Variants in NRXN1 observed in about 807,000 individuals in gnomAD.
NRXN1 encodes the protein neurexin-1.
NRXN1 carries 39 observed loss-of-function variants against 150.9 expected under a neutral mutation model. The ratio of observed to expected loss-of-function variants is 0.26; its 90% CI spans 0.20 to 0.34. NRXN1 has a LOEUF of 0.34. Ranked by LOEUF, NRXN1 falls within the 10% of genes least tolerant of loss-of-function variation. NRXN1 has a pLI of 1.00. For synonymous variants in NRXN1, 924 were observed against 757.0 expected, an observed-to-expected ratio of 1.22 and a Z score of -3.62; for missense variants, 1,815 against 1,949.9, an observed-to-expected ratio of 0.93 and a Z score of 1.30.
intron 5 of NRXN1, among the ~76,000 whole-genome samples, chr2:50,753,730 A>G (rs925759917): frequency 6.6e-6 from 1 of 151,878 alleles, no homozygotes; most frequent in Non-Finnish European, 1.5e-5. Context: ...TTTAGGAAAT[A>G]TTCTGAGTGA....
At chr2:50,398,376 G>T (rs1371368014) in intron 17 of NRXN1, among the ~76,000 whole-genome samples, 1 of 151,974 alleles carries the variant, frequency 6.6e-6, no homozygotes. Context: ...TAACTAAAAA[G>T]GGTATACTAT....
chr2:50,143,315 C>T (rs912086889), intron 18 of NRXN1, among the ~76,000 whole-genome samples: 3 of 151,700 alleles, frequency 2.0e-5, no homozygotes, highest in East Asian at 3.9e-4. Context: ...GGGTACAGCT[C>T]GAAAACTAAT....
At chr2:50,469,358 G>A (rs1185311960) in intron 16 of NRXN1, among the ~76,000 whole-genome samples, 1 of 151,692 alleles carries the variant, frequency 6.6e-6, no homozygotes, top group Non-Finnish European at 1.5e-5. Context: ...AAGGCAACAA[G>A]TGATTATTTA....
chr2:50,024,904 C>A (rs1374673691), intron 21 of NRXN1, among the ~76,000 whole-genome samples: 1 of 152,122 alleles, frequency 6.6e-6, no homozygotes, highest in Non-Finnish European at 1.5e-5. Context: ...GCGTGAGCTA[C>A]TGTGCCCAGA....
chr2:50,942,303 G>A (rs567333169), intron 2 of NRXN1, among the ~76,000 whole-genome samples: 1 of 152,192 alleles, frequency 6.6e-6, no homozygotes, highest in Non-Finnish European at 1.5e-5. Context: ...GCAATGCAGA[G>A]AGGAAATATG....
intron 5 of NRXN1, among the ~76,000 whole-genome samples, chr2:50,899,636 G>A (rs1452712610): frequency 6.6e-6 from 1 of 152,026 alleles, no homozygotes; most frequent in Non-Finnish European, 1.5e-5. Context: ...GAGTTAATTT[G>A]TTTTTTTCTA....
chr2:50,490,316 G>C (rs1169689883), intron 15 of NRXN1, among the ~76,000 whole-genome samples: 1 of 152,106 alleles, frequency 6.6e-6, no homozygotes, highest in Non-Finnish European at 1.5e-5. Flanking sequence ...ATGGCGTTCA[G>C]GGCCCTTCAA....
At chr2:50,168,722 C>A (rs2059835706) in intron 18 of NRXN1, among the ~76,000 whole-genome samples, 2 of 152,102 alleles carry the variant, frequency 1.3e-5, no homozygotes, top group Admixed American at 1.3e-4. Flanking sequence ...CCCTCTGGAC[C>A]AGGTGGTTGA....
chr2:50,783,921 C>T (rs1704710836), intron 5 of NRXN1, among the ~76,000 whole-genome samples: 1 of 152,058 alleles, frequency 6.6e-6, no homozygotes, highest in African/African-American at 2.4e-5. Flanking sequence ...TATACTTTGC[C>T]TAGCCTCATA....
rs377761857 is a variant in NRXN1 at position 49,923,572 on chromosome 2, C to T, written c.4217-1321G>A. Among the ~76,000 whole-genome samples the T allele has an allele frequency of 2.7e-4, 41 of 152,182 alleles. No homozygotes were observed. In the East Asian group the frequency reaches 4.3e-3, roughly 16 times the overall value. On this transcript the variant is annotated intron_variant, in intron 22 of 22. Coordinates refer to ENST00000401669, the MANE Select transcript of NRXN1 (RefSeq NM_001330078.2). Reference sequence around the variant, plus strand: ...GAAGACTAAAATTGTGCTTTTATTTCGCTACTACTAAACATCATTTAGTAA... The same window carrying T: ...GAAGACTAAAATTGTGCTTTTATTTTGCTACTACTAAACATCATTTAGTAA...
At chr2:50,251,193 C>T (rs2067032234) in intron 17 of NRXN1, among the ~76,000 whole-genome samples, 1 of 151,990 alleles carries the variant, frequency 6.6e-6, no homozygotes, top group African/African-American at 2.4e-5. Context: ...CCCCTGGCTC[C>T]CTGACAGGCA....
intron 17 of NRXN1, among the ~76,000 whole-genome samples, chr2:50,239,634 T>C (rs79435929): frequency 0.02 from 2,619 of 129,980 alleles, 107 homozygotes; most frequent in African/African-American, 0.069. Flanking sequence ...AGAGTTGGTA[T>C]AAAACCCATA....
chr2:50,232,679 C>T (rs1574636871), intron 18 of NRXN1, among the ~76,000 whole-genome samples: 1 of 151,860 alleles, frequency 6.6e-6, no homozygotes, highest in African/African-American at 2.4e-5. Flanking sequence ...GCCACTGAGC[C>T]CGGCTATTTT....
At chr2:50,501,394 T>TGA (rs756915532) in intron 13 of NRXN1, among the ~76,000 whole-genome samples, 21 of 94,476 alleles carry the variant, frequency 2.2e-4, no homozygotes, top group Non-Finnish European at 3.3e-4. Context: ...TATGTGTGTG[T>TGA]GTGTGAGTGT....
At chr2:50,359,464 A>G (rs2079040152) in intron 17 of NRXN1, among the ~76,000 whole-genome samples, 1 of 151,806 alleles carries the variant, frequency 6.6e-6, no homozygotes, top group Non-Finnish European at 1.5e-5. Context: ...TGAAGCACAC[A>G]CAAGTATCAA....
At chr2:50,646,868 T>A (rs566750338) in intron 5 of NRXN1, among the ~76,000 whole-genome samples, 1 of 151,746 alleles carries the variant, frequency 6.6e-6, no homozygotes, top group East Asian at 1.9e-4. Context: ...TGCATCTGAG[T>A]CCCTTGAGGA....
chr2:50,488,104 A>T (rs555359626), intron 15 of NRXN1, among the ~76,000 whole-genome samples: 1 of 152,098 alleles, frequency 6.6e-6, no homozygotes, highest in East Asian at 1.9e-4. Context: ...CTCACCCCCT[A>T]CTCCAGAGCA....
chr2:50,674,384 A>G (rs1490472749), intron 5 of NRXN1, among the ~76,000 whole-genome samples: 1 of 152,120 alleles, frequency 6.6e-6, no homozygotes, highest in Non-Finnish European at 1.5e-5. Flanking sequence ...AGCACAACCA[A>G]TGACTCAGGC....
At chr2:50,873,220 TA>T (rs1232277391) in intron 5 of NRXN1, among the ~76,000 whole-genome samples, 2 of 151,824 alleles carry the variant, frequency 1.3e-5, no homozygotes, top group Non-Finnish European at 2.9e-5. Context: ...ATAACATTTA[TA>T]AAGCCGTAAG....
Sources: gnomAD v4.1 joint callset for allele counts (sites outside exome capture counted in the v4.1 genomes callset) on GRCh38, gnomAD v4.1.1 for gene constraint, MANE v1.5 for transcripts, NCBI Gene and HGNC (gene_info 2026-07-23, HGNC 2026-07-21) for gene names.